The following ABCB11 variants were observed in gnomAD, a reference collection of about 807,000 sequenced individuals.
The protein encoded by ABCB11 is bile salt export pump.
ABCB11 carries 95 observed loss-of-function variants against 148.0 expected under a neutral mutation model. The ratio of observed to expected loss-of-function variants is 0.64; its 90% CI spans 0.54 to 0.76. The LOEUF is 0.76. Ranked by LOEUF, ABCB11 falls within the 30% of genes least tolerant of loss-of-function variation. The pLI is 0.00. For synonymous variants in ABCB11, 591 were observed against 555.4 expected (o/e 1.06, Z -0.90); for missense variants, 1,523 against 1,617.8 (o/e 0.94, Z 1.01).
rs766838202 is a variant in ABCB11 at position 168,944,929 on chromosome 2, C to A, written c.2376G>T (p.Arg792Ser). The change falls in exon 20 of 28, where the codon AGG becomes AGT. Residue 792 changes from arginine (R) to serine (S), a missense_variant. Arg to Ser is a moderately radical substitution (Grantham distance 110). Transcript: ENST00000650372. ...TFSIPDKEEQ[R>S]SQINGVCLLF... The stretch of plus-strand genomic sequence containing the variant: ...GTAGGCACACACCATTGATCTGTGA[C>A]CTTTGTTCCTCTTTATCAGGAATTG... The A allele has an allele frequency of 7.7e-6, 12 of 1,565,600 alleles. No homozygotes were observed. Among genetic ancestry groups the A allele is most frequent in the Non-Finnish European group, 8.7e-6 (10 of 1,154,090 alleles).
intron 17 of ABCB11, among the ~76,000 whole-genome samples, chr2:168,965,255 T>C (rs1028854499): frequency 1.3e-5 from 2 of 151,694 alleles, no homozygotes; most frequent in Admixed American, 1.3e-4. Context: ...ATATACTGAG[T>C]ACATGACAAG....
rs367984611 is a variant in ABCB11 at position 168,927,147 on chromosome 2, C to T, written c.3618+9G>A. The stretch of plus-strand genomic sequence containing the variant: ...CTCTCATAGGGAATGGCTCTGACTT[C>T]GTACTCACCTCTGGGAGTGACATGA... On this transcript the variant is annotated intron_variant, in intron 26 of 27. Coordinates refer to ENST00000650372, the MANE Select transcript of ABCB11 (RefSeq NM_003742.4). 24 of 1,611,162 alleles carry T rather than the reference C, an allele frequency of 1.5e-5. No individual in the cohort carries two copies. The highest frequency in any genetic ancestry group is 6.7e-5 in the African/African-American group (5 of 74,856).
At position 168,924,963 on chromosome 2, in the gene ABCB11, T is replaced by C. The variant is rs529576945; in HGVS notation, c.3619-160A>G. ...ATAGGATGGAGGATGTCAAATCCAC[T>C]TAGGAATATAAGAAAAATATGGAAT... On this transcript the variant is annotated intron_variant, in intron 26 of 27. Coordinates refer to ENST00000650372, the MANE Select transcript of ABCB11 (RefSeq NM_003742.4). 2.0e-5 allele frequency among the ~76,000 whole-genome samples: 3 copies of C among 152,292 alleles called. No individual in the cohort carries two copies. The East Asian group carries it at 5.8e-4, about 29-fold the overall frequency.
At chr2:168,952,368 T>C (rs368618828) in intron 19 of ABCB11, among the ~76,000 whole-genome samples, 3 of 151,564 alleles carry the variant, frequency 2.0e-5, no homozygotes, top group African/African-American at 7.2e-5. Context: ...TTATTTTTTT[T>C]TGTTAGGAAA....
In ABCB11 at chr2:168,927,370, T is replaced by C. The variant is rs755181311; in HGVS notation, c.3412-8A>G. 1 of 1,608,630 alleles carries C rather than the reference T, an allele frequency of 6.2e-7. No individual in the cohort carries two copies. ...GTCATGACCATCTATCATCTGCCAA[T>C]AGAGGAGATGACAGGTCATTAGGTT... On this transcript the variant is annotated splice_region_variant and splice_polypyrimidine_tract_variant and intron_variant, in intron 25 of 27. Transcript: ENST00000650372.
rs1695555173 is a variant in ABCB11, at chr2:169,021,983, AACAC to A, written c.-27-3835_-27-3832del. Among the ~76,000 whole-genome samples the A allele has an allele frequency of 2.6e-5, 4 of 152,146 alleles. No homozygotes were observed. The South Asian group carries it at 8.3e-4, about 32-fold the overall frequency. On this transcript the variant is annotated intron_variant, in intron 1 of 27. Transcript: ENST00000650372. ...AAACTAAAAAATTAAACACTAGTAA[AACAC>A]ACACACATATACTCAGTAAAATTGT... is the stretch of plus-strand genomic sequence containing the variant.
chr2:168,972,911 C>T (rs1181259155), intron 13 of ABCB11, among the ~76,000 whole-genome samples: 1 of 151,986 alleles, frequency 6.6e-6, no homozygotes, highest in Non-Finnish European at 1.5e-5. Context: ...TGACTCTCTG[C>T]TTCCTTGTTT....
chr2:169,021,272 A>G (rs543608239), intron 1 of ABCB11, among the ~76,000 whole-genome samples: 3 of 152,166 alleles, frequency 2.0e-5, no homozygotes, highest in Admixed American at 6.6e-5. Context: ...CAATCCAGAC[A>G]TATACTTATT....
Position 168,969,473 on chromosome 2 carries a change from C to G in ABCB11, c.1888G>C (p.Glu630Gln). 1.2e-6 allele frequency: 2 copies of G among 1,612,548 alleles called. No individual in the cohort carries two copies. The highest frequency in any genetic ancestry group is 1.7e-6 in the Non-Finnish European group (2 of 1,179,208). ...CCTCTTTCCACTGCAGTGCCATGTT[C>G]AAAACCAATGATGGTATCTGCAGCT... ...VRAADTIIGF[E>Q]HGTAVERGTH... Residue 630 changes from glutamate to glutamine, a missense_variant, in exon 16 of 28, where the codon GAA becomes CAA. Physicochemically the swap from Glu to Gln is conservative, Grantham distance 29. Transcript: ENST00000650372.
intron 1 of ABCB11, among the ~76,000 whole-genome samples, chr2:169,021,493 C>T (rs188367216): frequency 4.3e-4 from 65 of 152,038 alleles, no homozygotes; most frequent in African/African-American, 1.6e-3. Flanking sequence ...ATTGTATATA[C>T]CCAGCAACCT....
At chr2:168,931,207 G>C (rs1691554914) in intron 24 of ABCB11, among the ~76,000 whole-genome samples, 2 of 152,238 alleles carry the variant, frequency 1.3e-5, no homozygotes, top group Admixed American at 1.3e-4. Flanking sequence ...AAACCCTATA[G>C]CTTTGTTCTC....
At chr2:168,936,151 T>C (rs1316399476) in intron 22 of ABCB11, 79 bp downstream of exon 22, 6 of 1,383,584 alleles carry the variant, frequency 4.3e-6, no homozygotes, top group East Asian at 4.8e-5. Context: ...CTTCAGTCTC[T>C]TCGTACTACT....
chr2:168,970,241 G>A (rs756484768), intron 14 of ABCB11, 26 bp from the exon 15 acceptor site: 1 of 1,601,470 alleles, frequency 6.2e-7, no homozygotes, highest in East Asian at 2.3e-5. Context: ...CACCAGTCAT[G>A]AAGGGAAAAG....
At position 168,944,585 on chromosome 2, in the gene ABCB11, T is replaced by A; in HGVS notation, c.2610+20A>T. On this transcript the variant is annotated intron_variant, in intron 21 of 27. Coordinates refer to ENST00000650372, the MANE Select transcript of ABCB11 (RefSeq NM_003742.4). ...TGCCAATGCAGTTAATATACTTCTA[T>A]TTCCCCTCCCATAGCTCACCCCTTG... The A allele has an allele frequency of 6.4e-7, 1 of 1,572,020 alleles. No homozygotes were observed. The highest frequency in any genetic ancestry group is 8.6e-7 in the Non-Finnish European group (1 of 1,161,844).
chr2:169,024,582 T>C (rs1695637562), intron 1 of ABCB11, among the ~76,000 whole-genome samples: 1 of 149,548 alleles, frequency 6.7e-6, no homozygotes, highest in African/African-American at 2.5e-5. Context: ...CTTGCATTAG[T>C]ATTAATGAAC....
intron 26 of ABCB11, among the ~76,000 whole-genome samples, chr2:168,926,573 C>G (rs1471269774): frequency 6.6e-6 from 1 of 152,102 alleles, no homozygotes; most frequent in Admixed American, 6.5e-5. Flanking sequence ...CAAAAAAATT[C>G]AACAAAAATA....
chr2:168,974,679 G>C (rs1234486634), intron 12 of ABCB11, among the ~76,000 whole-genome samples: 1 of 151,890 alleles, frequency 6.6e-6, no homozygotes, highest in African/African-American at 2.4e-5. Context: ...CTCGTACTAT[G>C]AATAAATACA....
chr2:168,997,843 C>T (rs1694762511), intron 5 of ABCB11, among the ~76,000 whole-genome samples: 1 of 151,976 alleles, frequency 6.6e-6, no homozygotes, highest in African/African-American at 2.4e-5. Context: ...TAGTAGATTG[C>T]AAGCTACTCA....
intron 11 of ABCB11, among the ~76,000 whole-genome samples, chr2:168,977,588 A>G (rs546716463): frequency 6.6e-6 from 1 of 152,266 alleles, no homozygotes; most frequent in African/African-American, 2.4e-5. Context: ...AGTGATGGAA[A>G]TTCATCACTG....
Sources: gnomAD v4.1 joint callset for allele counts (sites outside exome capture counted in the v4.1 genomes callset) on GRCh38, gnomAD v4.1.1 for gene constraint, MANE v1.5 for transcripts, NCBI Gene and HGNC (gene_info 2026-07-23, HGNC 2026-07-21) for gene names.